Variants in LMO3 observed in about 807,000 individuals in gnomAD.
LMO3 encodes LIM domain only 3.
Under a neutral mutation model 15.8 loss-of-function variants are expected in LMO3, and 2 were observed. The ratio of observed to expected loss-of-function variants is 0.13; its 90% CI spans 0.05 to 0.40. LMO3 has a LOEUF of 0.40. LMO3 is among the 10% of genes least tolerant of loss of function. The probability of loss-of-function intolerance (pLI) is 0.99; values close to 1 mark genes in which losing one functional copy is unlikely to be tolerated. For missense variants in LMO3, 86 were observed against 182.2 expected (o/e 0.47, Z 3.04); for synonymous variants, 62 against 63.8 (o/e 0.97, Z 0.13).
In LMO3 at chr12:16,597,555, A is replaced by G. The variant is rs1357734650; in HGVS notation, c.206+3100T>C. 6.6e-6 allele frequency: 1 copy of G among 151,802 alleles called. No individual in the cohort carries two copies. Among genetic ancestry groups the G allele is most frequent in the South Asian group, 2.1e-4 (1 of 4,828 alleles). 9.4% of individuals were successfully genotyped at this position (151,802 alleles called of 1,614,324 possible). A position where few individuals can be genotyped will look rare whatever the true frequency, so the allele number is the denominator to read the frequency against. On this transcript the variant is annotated intron_variant, in intron 2 of 3. Transcript: ENST00000537304. This position sits in a 1 kb window ranked among gnomAD's most constrained non-coding sequence, Gnocchi z 5.0. ...GAAGCTAAATGTAATTGGCAAAAATATTTTACTTTTCACTGTATGTAAAAA... is the reference window on the plus strand; with the variant it reads ...GAAGCTAAATGTAATTGGCAAAAATGTTTTACTTTTCACTGTATGTAAAAA...
chr12:16,563,061 G>A (rs1408195774), intron 2 of LMO3, among the ~76,000 whole-genome samples: 1 of 151,796 alleles, frequency 6.6e-6, no homozygotes, highest in African/African-American at 2.4e-5. Flanking sequence ...CACTTTCCCT[G>A]CCTCGCTGGA....
chr12:16,605,888 G>A (rs1565518854), intron 1 of LMO3, 178 bp downstream of exon 1: 8 of 1,457,762 alleles, frequency 5.5e-6, no homozygotes, highest in East Asian at 2.5e-5. Context: ...AACCGTCTCA[G>A]TAGAGCTGCA....
chr12:16,606,711 C>A (rs1008298723), upstream of LMO3: 1 of 152,102 alleles, frequency 6.6e-6, no homozygotes, highest in Non-Finnish European at 1.5e-5. Context: ...TACAAGCCTG[C>A]GAGTGCAGTC....
intron 2 of LMO3, 196 bp downstream of exon 2, chr12:16,600,459 T>C (rs1591832042): frequency 3.4e-6 from 2 of 583,642 alleles, no homozygotes; most frequent in Admixed American, 3.1e-5. Flanking sequence ...ATACTTTAAA[T>C]ATTGTGGTTT....
Position 16,604,560 on chromosome 12 carries a change from A to G in LMO3, c.-9+1506T>C, listed in dbSNP as rs1943926727. On this transcript the variant is annotated intron_variant, in intron 1 of 3. Transcript: ENST00000537304. The surrounding 1 kb of genome is among the most constrained non-coding windows in gnomAD (Gnocchi z 5.3). ...TCAATTTTGATGCAGCTCACATGCA[A>G]AATAAAAAAAAAAAATAAGAAACAT... 1 of 322,288 alleles carries G rather than the reference A, an allele frequency of 3.1e-6. No homozygotes were observed. Among genetic ancestry groups the G allele is most frequent in the Non-Finnish European group, 5.6e-6 (1 of 177,944 alleles). The allele number at this position is 322,288 out of a possible 1,614,324, so 20.0% of individuals were successfully genotyped here. A position where few individuals can be genotyped will look rare whatever the true frequency, so the allele number is the denominator to read the frequency against.
intron 2 of LMO3, among the ~76,000 whole-genome samples, chr12:16,590,248 G>A (rs956590572): frequency 1.3e-5 from 2 of 152,078 alleles, no homozygotes; most frequent in Non-Finnish European, 2.9e-5. Context: ...ACATTAGTGA[G>A]CTAGGATTAA....
chr12:16,565,580 A>G (rs1221956672), intron 2 of LMO3, among the ~76,000 whole-genome samples: 1 of 152,224 alleles, frequency 6.6e-6, no homozygotes, highest in Non-Finnish European at 1.5e-5. Context: ...TGAACATTTT[A>G]GAATGTACAT....
Position 16,548,966 on chromosome 12 carries a change from T to C in LMO3, c.*2256A>G, listed in dbSNP as rs1478526062. 1.3e-5 allele frequency: 2 copies of C among 152,176 alleles called. No individual in the cohort carries two copies. Among genetic ancestry groups the C allele is most frequent in the Non-Finnish European group, 2.9e-5 (2 of 68,022 alleles). 9.4% of individuals were successfully genotyped at this position (152,176 alleles called of 1,614,324 possible). A position where few individuals can be genotyped will look rare whatever the true frequency, so the allele number is the denominator to read the frequency against. The stretch of plus-strand genomic sequence containing the variant: ...TTTGGTCTTCCAGTGGCAAGGATAG[T>C]TGAACAACTTCAAGAAGCTGAGAGA... On this transcript the variant is annotated 3_prime_UTR_variant, in exon 4 of 4. Coordinates refer to ENST00000537304, the MANE Select transcript of LMO3 (RefSeq NM_018640.5). The surrounding 1 kb of genome is among the most constrained non-coding windows in gnomAD (Gnocchi z 4.2).
Position 16,549,633 on chromosome 12 carries a change from GA to G in LMO3, c.*1588del, listed in dbSNP as rs1190670639. ...TATTGTTTCCTATACAAGTGATCAAGAAAAAAACAAAGAAAAAGAAAACCCA... is the reference window on the plus strand; with the variant it reads ...TATTGTTTCCTATACAAGTGATCAAGAAAAAACAAAGAAAAAGAAAACCCA... On this transcript the variant is annotated 3_prime_UTR_variant, in exon 4 of 4. Coordinates refer to ENST00000537304, the MANE Select transcript of LMO3 (RefSeq NM_018640.5). The G allele has an allele frequency of 2.0e-5, 3 of 152,120 alleles. No individual in the cohort carries two copies. Among genetic ancestry groups the G allele is most frequent in the Non-Finnish European group, 4.4e-5 (3 of 67,918 alleles). 9.4% of individuals were successfully genotyped at this position (152,120 alleles called of 1,614,324 possible). A position where few individuals can be genotyped will look rare whatever the true frequency, so the allele number is the denominator to read the frequency against.
chr12:16,591,481 T>A lies in LMO3; in HGVS notation c.206+9174A>T, dbSNP rs532254060. Among the ~76,000 whole-genome samples, 1 of 152,004 alleles carries A rather than the reference T, an allele frequency of 6.6e-6. No individual in the cohort carries two copies. Among genetic ancestry groups the A allele is most frequent in the African/African-American group, 2.4e-5 (1 of 41,408 alleles). On this transcript the variant is annotated intron_variant, in intron 2 of 3. Transcript: ENST00000537304. The surrounding 1 kb of genome is among the most constrained non-coding windows in gnomAD (Gnocchi z 4.1). ...CCCTATACTTATTTTGTTGATTACC[T>A]ATTTCCCCTAAGTAGAATATAAACT...
rs1455947473 is a variant in LMO3, at chr12:16,559,528, C to G, written c.332+885G>C. On this transcript the variant is annotated intron_variant, in intron 3 of 3. Coordinates refer to ENST00000537304, the MANE Select transcript of LMO3 (RefSeq NM_018640.5). This position sits in a 1 kb window ranked among gnomAD's most constrained non-coding sequence, Gnocchi z 4.1. ...AATTTAGGTTTCCAGGTTCCCTGTT[C>G]AACACTTTTTCAAATGCTCCTCTCC... 1.3e-5 allele frequency among the ~76,000 whole-genome samples: 2 copies of G among 152,124 alleles called. No homozygotes were observed. Among genetic ancestry groups the G allele is most frequent in the African/African-American group, 2.4e-5 (1 of 41,424 alleles).
At chr12:16,571,573 A>AT (rs1357407649) in intron 2 of LMO3, among the ~76,000 whole-genome samples, 1 of 152,000 alleles carries the variant, frequency 6.6e-6, no homozygotes, top group Non-Finnish European at 1.5e-5. Context: ...CTATATACTC[A>AT]TGTTATCTTT....
At chr12:16,605,780 G>A (rs2137744301) in intron 1 of LMO3, 1 of 1,535,426 alleles carries the variant, frequency 6.5e-7, no homozygotes, top group Non-Finnish European at 8.7e-7. Flanking sequence ...GAGACGTTCC[G>A]CGCCGCAGCC....
chr12:16,604,883 T>C lies in LMO3; in HGVS notation c.-9+1183A>G, dbSNP rs1177121585. On this transcript the variant is annotated intron_variant, in intron 1 of 3. Coordinates refer to ENST00000537304, the MANE Select transcript of LMO3 (RefSeq NM_018640.5). This position sits in a 1 kb window ranked among gnomAD's most constrained non-coding sequence, Gnocchi z 5.3. ...ACCTTACCAAAACTTTTCTCCTTTTTCTGCATGAGTTGACTTAGGCGTGTC... is the reference window on the plus strand; with the variant it reads ...ACCTTACCAAAACTTTTCTCCTTTTCCTGCATGAGTTGACTTAGGCGTGTC... 5.0e-6 allele frequency: 8 copies of C among 1,598,472 alleles called. No individual in the cohort carries two copies. Among genetic ancestry groups the C allele is most frequent in the Admixed American group, 3.3e-5 (2 of 60,022 alleles).
intron 2 of LMO3, chr12:16,600,312 A>G (rs1003115733): frequency 7.9e-5 from 13 of 164,082 alleles, no homozygotes; most frequent in Non-Finnish European, 1.2e-4. Flanking sequence ...AAAAAAAAAA[A>G]AAAGAAAAAA....
At chr12:16,568,036 T>C (rs1942677893) in intron 2 of LMO3, among the ~76,000 whole-genome samples, 1 of 152,128 alleles carries the variant, frequency 6.6e-6, no homozygotes, top group African/African-American at 2.4e-5. Context: ...TTTTTGGAAT[T>C]CTTGAGATCT....
chr12:16,555,550 C>G lies in LMO3; in HGVS notation c.333-4223G>C, dbSNP rs1942161308. 6.6e-6 allele frequency among the ~76,000 whole-genome samples: 1 copy of G among 152,200 alleles called. No homozygotes were observed. The highest frequency in any genetic ancestry group is 1.5e-5 in the Non-Finnish European group (1 of 68,030). On this transcript the variant is annotated intron_variant, in intron 3 of 3. Transcript: ENST00000537304. This position sits in a 1 kb window ranked among gnomAD's most constrained non-coding sequence, Gnocchi z 5.5. ...GTAGATTTATTCCAGAAACCAACAG[C>G]TTTAAATAACAAATGTATTTTAGAT...
Position 16,596,473 on chromosome 12 carries a change from A to G in LMO3, c.206+4182T>C, listed in dbSNP as rs1251265766. ...TATCATTCATAGAGATACAAGATAC[A>G]TACAGCCTATATAGACTTAATGCTT... is the stretch of plus-strand genomic sequence containing the variant. On this transcript the variant is annotated intron_variant, in intron 2 of 3. Coordinates refer to ENST00000537304, the MANE Select transcript of LMO3 (RefSeq NM_018640.5). This position sits in a 1 kb window ranked among gnomAD's most constrained non-coding sequence, Gnocchi z 4.3. Among the ~76,000 whole-genome samples the G allele has an allele frequency of 6.6e-6, 1 of 151,676 alleles. No homozygotes were observed. The highest frequency in any genetic ancestry group is 2.4e-5 in the African/African-American group (1 of 41,402).
chr12:16,572,272 A>G (rs1266595989), intron 2 of LMO3, among the ~76,000 whole-genome samples: 1 of 148,524 alleles, frequency 6.7e-6, no homozygotes, highest in Non-Finnish European at 1.5e-5. Context: ...TAGATTACAT[A>G]TTTATATGTT....
Sources: allele counts gnomAD v4.1 joint callset (sites outside exome capture counted in the v4.1 genomes callset), GRCh38; gene constraint gnomAD v4.1.1; non-coding constraint Gnocchi (gnomAD v3.1); transcripts MANE v1.5; gene names NCBI Gene and HGNC (gene_info 2026-07-23, HGNC 2026-07-21).